Variants in ATP10A observed in about 807,000 individuals in gnomAD.
The protein encoded by ATP10A is ATPase phospholipid transporting 10A (putative), also known as phospholipid-transporting ATPase VA.
Under a neutral mutation model 147.8 loss-of-function variants are expected in ATP10A, and 111 were observed. That is an observed-to-expected ratio of 0.75 (90% CI 0.64 to 0.88). The LOEUF (loss-of-function observed/expected upper bound fraction) is 0.88, where lower values mean the gene tolerates loss of function less well. Among genes scored for constraint, ATP10A ranks in the 40% least tolerant of loss-of-function variants. The pLI is 0.00. For missense variants in ATP10A, 1,927 were observed against 1,959.0 expected (o/e 0.98, Z 0.31); for synonymous variants, 875 against 841.6 (o/e 1.04, Z -0.69).
chr15:25,775,387 G>A (rs1224913049), intron 2 of ATP10A, among the ~76,000 whole-genome samples: 1 of 152,196 alleles, frequency 6.6e-6, no homozygotes, highest in Non-Finnish European at 1.5e-5. Flanking sequence ...ACCGTGCTGA[G>A]TCAGAGCCTG....
intron 4 of ATP10A, among the ~76,000 whole-genome samples, chr15:25,726,332 G>T (rs1018735235): frequency 2.0e-5 from 3 of 152,062 alleles, no homozygotes; most frequent in Non-Finnish European, 4.4e-5. Context: ...ATACACTACC[G>T]TGCCAAGAAA....
intron 10 of ATP10A, among the ~76,000 whole-genome samples, chr15:25,712,160 T>A (rs1247118851): frequency 6.6e-6 from 1 of 152,256 alleles, no homozygotes; most frequent in Non-Finnish European, 1.5e-5. Flanking sequence ...TTCTGGGTTA[T>A]CCTTGGTAAT....
intron 3 of ATP10A, among the ~76,000 whole-genome samples, chr15:25,734,939 T>C (rs938050682): frequency 5.4e-5 from 8 of 148,812 alleles, no homozygotes; most frequent in Non-Finnish European, 1.0e-4. Context: ...CGAAAGCTCT[T>C]AGAAATGGGG....
chr15:25,790,680 T>C (rs796318530), intron 1 of ATP10A, among the ~76,000 whole-genome samples: 22 of 152,336 alleles, frequency 1.4e-4, no homozygotes, highest in African/African-American at 5.0e-4. Context: ...CTAAACACAG[T>C]ATCACTTACA....
At chr15:25,755,234 A>G (rs1215341676) in intron 2 of ATP10A, among the ~76,000 whole-genome samples, 1 of 152,192 alleles carries the variant, frequency 6.6e-6, no homozygotes, top group Non-Finnish European at 1.5e-5. Flanking sequence ...AAGACCTTCG[A>G]AAGTTTTCTA....
At chr15:25,729,980 TGG>T (rs1902858375) in intron 3 of ATP10A, among the ~76,000 whole-genome samples, 1 of 151,140 alleles carries the variant, frequency 6.6e-6, no homozygotes, top group Non-Finnish European at 1.5e-5. Context: ...ACTGGAGGAG[TGG>T]CTGAGAGCAA....
At chr15:25,676,813 C>T (rs1319391161), downstream of ATP10A, among the ~76,000 whole-genome samples, 6 of 152,102 alleles carry the variant, frequency 3.9e-5, no homozygotes, top group African/African-American at 1.4e-4. Context: ...CTTTATACTT[C>T]ACATGCCTTC....
At position 25,702,034 on chromosome 15, in the gene ATP10A, G is replaced by T. The variant is rs142704035; in HGVS notation, c.2642C>A (p.Ala881Glu). The T allele has an allele frequency of 6.2e-7, 1 of 1,614,118 alleles. No homozygotes were observed. Among genetic ancestry groups the T allele is most frequent in the African/African-American group, 1.3e-5 (1 of 75,054 alleles). The stretch of plus-strand genomic sequence containing the variant: ...AGTGAGAACCCAAATCTGCAGGCCC[G>T]CTTGACGCAATTTAGAAATAGTTTC... ...VPETISKLRQ[A>E]GLQIWVLTGD... Residue 881 changes from alanine (A) to glutamate (E), a missense_variant, in exon 13 of 21, where the codon GCG becomes GAG. Ala to Glu is a moderately radical substitution (Grantham distance 107). Transcript: ENST00000555815.
At chr15:25,758,972 CCT>C (rs1888603074) in intron 2 of ATP10A, among the ~76,000 whole-genome samples, 1 of 152,168 alleles carries the variant, frequency 6.6e-6, no homozygotes, top group African/African-American at 2.4e-5. Flanking sequence ...AAGCACTTAC[CCT>C]GTCAGTCTCT....
chr15:25,770,691 T>C (rs981200910), intron 2 of ATP10A, among the ~76,000 whole-genome samples: 1 of 152,152 alleles, frequency 6.6e-6, no homozygotes, highest in African/African-American at 2.4e-5. Context: ...TGAACCGCTC[T>C]CACTGGCATT....
chr15:25,732,468 C>T (rs1886992883), intron 3 of ATP10A, among the ~76,000 whole-genome samples: 1 of 152,118 alleles, frequency 6.6e-6, no homozygotes, highest in African/African-American at 2.4e-5. Flanking sequence ...CCATTCCTAT[C>T]TCATTCCACA....
chr15:25,772,638 G>T (rs1458688496), intron 2 of ATP10A, among the ~76,000 whole-genome samples: 1 of 152,196 alleles, frequency 6.6e-6, no homozygotes, highest in African/African-American at 2.4e-5. Context: ...GAAAGGGCTT[G>T]TTTCTCGCCA....
At chr15:25,739,364 G>A (rs1455640514) in intron 2 of ATP10A, among the ~76,000 whole-genome samples, 1 of 152,154 alleles carries the variant, frequency 6.6e-6, no homozygotes, top group East Asian at 1.9e-4. Flanking sequence ...CTGTGGATGT[G>A]GGCTTACCAG....
chr15:25,749,284 T>G (rs1172684201), intron 2 of ATP10A, among the ~76,000 whole-genome samples: 3 of 152,022 alleles, frequency 2.0e-5, no homozygotes, highest in African/African-American at 7.2e-5. Context: ...ATGTATAAGA[T>G]CTCAACACTG....
chr15:25,767,184 C>G (rs1183451217), intron 2 of ATP10A, among the ~76,000 whole-genome samples: 2 of 152,166 alleles, frequency 1.3e-5, no homozygotes, highest in Admixed American at 6.5e-5. Context: ...CTGAGAGTGC[C>G]AAGGTTAGAA....
At position 25,781,139 on chromosome 15, in the gene ATP10A, A is replaced by T; in HGVS notation, c.534T>A (p.Pro178=). 6.2e-7 allele frequency: 1 copy of T among 1,614,242 alleles called. No individual in the cohort carries two copies. Among genetic ancestry groups the T allele is most frequent in the Non-Finnish European group, 8.5e-7 (1 of 1,180,050 alleles). The change falls in exon 2 of 21, where the codon CCT becomes CCA. Residue 178 remains proline (P), a synonymous_variant. Transcript: ENST00000555815. The stretch of plus-strand genomic sequence containing the variant: ...TGGAGGAGAGCAGCAGAATGTCCGC[A>T]GGGAAGATTTCGTTGCAGCGAAGAC... ...FVRLRCNEIF[P]ADILLLSSSD...
chr15:25,811,933 C>T (rs1402499086), intron 1 of ATP10A, among the ~76,000 whole-genome samples: 3 of 152,210 alleles, frequency 2.0e-5, no homozygotes, highest in Non-Finnish European at 2.9e-5. Context: ...CCGAGGCACA[C>T]GGCTGGAAGC....
At chr15:25,864,242 A>G (rs2140934349), upstream of ATP10A, among the ~76,000 whole-genome samples, 2 of 152,226 alleles carry the variant, frequency 1.3e-5, 1 homozygote. Flanking sequence ...GTGGGAGAAT[A>G]AGCACGGCAT....
At chr15:25,830,156 T>G (rs545159380) in intron 1 of ATP10A, among the ~76,000 whole-genome samples, 88 of 152,222 alleles carry the variant, frequency 5.8e-4, no homozygotes, top group African/African-American at 2.0e-3. Flanking sequence ...GGCCTGGTGA[T>G]GTGCCGCTGC....
Sources: gnomAD v4.1 joint callset for allele counts (sites outside exome capture counted in the v4.1 genomes callset) on GRCh38, gnomAD v4.1.1 for gene constraint, MANE v1.5 for transcripts, NCBI Gene and HGNC (gene_info 2026-07-23, HGNC 2026-07-21) for gene names.